SNAP25: variants seen among roughly 807,000 people sequenced by gnomAD.
SNAP25 encodes the protein synaptosomal-associated protein 25.
SNAP25 carries 3 observed loss-of-function variants against 28.7 expected under a neutral mutation model. The ratio of observed to expected loss-of-function variants is 0.10; its 90% CI spans 0.05 to 0.27. SNAP25 has a LOEUF of 0.27. Ranked by LOEUF, SNAP25 falls within the 10% of genes least tolerant of loss-of-function variation. The pLI, the probability that SNAP25 is intolerant of heterozygous loss-of-function variation, is 1.00. For missense variants in SNAP25, 117 were observed against 278.7 expected (o/e 0.42, Z 4.13); for synonymous variants, 61 against 88.1 (o/e 0.69, Z 1.72).
In SNAP25 at chr20:10,230,687, A is replaced by T. The variant is rs974750860; in HGVS notation, c.-64+11710A>T. On this transcript the variant is annotated intron_variant, in intron 1 of 7. Coordinates refer to ENST00000254976, the MANE Select transcript of SNAP25 (RefSeq NM_130811.4). The stretch of plus-strand genomic sequence containing the variant: ...CTTTGTTGTTCCTTCAAACCTTCAC[A>T]TCTGTCTCAAACTGAGCCTGTTGAG... Among the ~76,000 whole-genome samples the T allele has an allele frequency of 2.0e-5, 3 of 152,104 alleles. No individual in the cohort carries two copies. In the South Asian group the frequency reaches 6.2e-4, roughly 32 times the overall value.
chr20:10,290,683 T>C (rs1247114444), intron 4 of SNAP25, among the ~76,000 whole-genome samples: 1 of 152,118 alleles, frequency 6.6e-6, no homozygotes, highest in Admixed American at 6.6e-5. Flanking sequence ...CTTTGTAACT[T>C]AGGAGAAACT....
intron 1 of SNAP25, among the ~76,000 whole-genome samples, chr20:10,273,686 T>C (rs2063637853): frequency 6.6e-6 from 1 of 152,216 alleles, no homozygotes; most frequent in Non-Finnish European, 1.5e-5. Context: ...AGAGCACCAC[T>C]TCCTTGCAAT....
intron 1 of SNAP25, among the ~76,000 whole-genome samples, chr20:10,244,283 A>T (rs2063088530): frequency 6.6e-6 from 1 of 152,228 alleles, no homozygotes; most frequent in Non-Finnish European, 1.5e-5. Context: ...AGTGACATAA[A>T]CCAGTAAGTT....
chr20:10,219,961 T>C (rs923599922), intron 1 of SNAP25, among the ~76,000 whole-genome samples: 3 of 152,256 alleles, frequency 2.0e-5, no homozygotes, highest in African/African-American at 7.2e-5. Flanking sequence ...CCTCTGACCC[T>C]TATTTTACGT....
chr20:10,285,476 A>G (rs891248455), intron 4 of SNAP25, among the ~76,000 whole-genome samples: 1 of 152,224 alleles, frequency 6.6e-6, no homozygotes, highest in Non-Finnish European at 1.5e-5. Context: ...ACATAATTCT[A>G]GCCACTAGTC....
intron 1 of SNAP25, among the ~76,000 whole-genome samples, chr20:10,235,888 C>A (rs2062909756): frequency 6.6e-6 from 1 of 152,150 alleles, no homozygotes; most frequent in African/African-American, 2.4e-5. Context: ...GAGAACAAGC[C>A]CCAATGTGCA....
At chr20:10,223,434 C>G (rs1456355543) in intron 1 of SNAP25, among the ~76,000 whole-genome samples, 1 of 152,148 alleles carries the variant, frequency 6.6e-6, no homozygotes, top group Non-Finnish European at 1.5e-5. Context: ...TATCAAGAGA[C>G]TATCCTCATC....
intron 1 of SNAP25, among the ~76,000 whole-genome samples, chr20:10,227,450 T>A (rs1252680539): frequency 6.6e-6 from 1 of 152,144 alleles, no homozygotes; most frequent in African/African-American, 2.4e-5. Context: ...TAAGTAATCC[T>A]GCTTTTTATT....
At chr20:10,292,779 T>C in intron 4 of SNAP25, 1 of 750,826 alleles carries the variant, frequency 1.3e-6, no homozygotes, top group Admixed American at 2.4e-5. Context: ...CAATGCATTG[T>C]AATATCTCTC....
rs149194839 is a variant in SNAP25 at position 10,287,037 on chromosome 20, C to T, written c.163+2265C>T. ...CAATAGAAGAGTGGTACCTGATTTC[C>T]GGTGCAAAATTGAAACCTATACACT... On this transcript the variant is annotated intron_variant, in intron 4 of 7. Coordinates refer to ENST00000254976, the MANE Select transcript of SNAP25 (RefSeq NM_130811.4). Among the ~76,000 whole-genome samples, 509 of 152,178 alleles carry T rather than the reference C, an allele frequency of 3.3e-3. 3 individuals carry two copies. The highest frequency in any genetic ancestry group is 0.012 in the African/African-American group (499 of 41,516).
chr20:10,279,841 C>T (rs2063749999), intron 3 of SNAP25, among the ~76,000 whole-genome samples: 1 of 152,174 alleles, frequency 6.6e-6, no homozygotes, highest in Admixed American at 6.5e-5. Context: ...AAATTGTGAG[C>T]AAAGTGTTAT....
Position 10,242,263 on chromosome 20 carries a change from A to ACTAG in SNAP25, c.-64+23288_-64+23291dup, listed in dbSNP as rs2063048473. On this transcript the variant is annotated intron_variant, in intron 1 of 7. Transcript: ENST00000254976. ...AGCAAGGATGTGGTTGCAGCTGGAG[A>ACTAG]CTAGCATCAGCTGATCCCAGAGGAG... Among the ~76,000 whole-genome samples, 5 of 152,184 alleles carry ACTAG rather than the reference A, an allele frequency of 3.3e-5. No individual in the cohort carries two copies. The South Asian group carries it at 1.0e-3, about 32-fold the overall frequency.
At chr20:10,234,164 T>C (rs1260815305) in intron 1 of SNAP25, among the ~76,000 whole-genome samples, 4 of 132,824 alleles carry the variant, frequency 3.0e-5, no homozygotes, top group African/African-American at 5.7e-5. Flanking sequence ...TTTTCTCAAA[T>C]TGTTTCCCCA....
intron 1 of SNAP25, among the ~76,000 whole-genome samples, chr20:10,265,351 T>A (rs2063489415): frequency 6.6e-6 from 1 of 152,194 alleles, no homozygotes; most frequent in Non-Finnish European, 1.5e-5. Context: ...TACTTTTTGC[T>A]CTGGTCCTTA....
chr20:10,250,119 G>A (rs567535951), intron 1 of SNAP25, among the ~76,000 whole-genome samples: 1 of 152,270 alleles, frequency 6.6e-6, no homozygotes, highest in South Asian at 2.1e-4. Context: ...GATTGCAACT[G>A]TCAGACCTTT....
chr20:10,281,315 A>G (rs1466593895), intron 3 of SNAP25, among the ~76,000 whole-genome samples: 1 of 152,184 alleles, frequency 6.6e-6, no homozygotes, highest in African/African-American at 2.4e-5. Context: ...CCCTGAAATC[A>G]TGTCTCTATC....
intron 7 of SNAP25, among the ~76,000 whole-genome samples, chr20:10,302,088 TG>T (rs1268088910): frequency 1.3e-5 from 2 of 151,854 alleles, no homozygotes; most frequent in East Asian, 3.9e-4. Flanking sequence ...AAGTTATCAG[TG>T]GTAAGTTAGG....
intron 7 of SNAP25, among the ~76,000 whole-genome samples, chr20:10,301,221 T>C (rs2123172233): frequency 6.6e-6 from 1 of 152,314 alleles, no homozygotes; most frequent in East Asian, 1.9e-4. Flanking sequence ...AGAAGGTTTT[T>C]CTTCTACGCC....
chr20:10,248,060 T>C (rs2063159957), intron 1 of SNAP25, among the ~76,000 whole-genome samples: 1 of 152,210 alleles, frequency 6.6e-6, no homozygotes, highest in Admixed American at 6.5e-5. Flanking sequence ...AATGGTTGCA[T>C]GGATACAAAG....
Sources: allele counts gnomAD v4.1 joint callset (sites outside exome capture counted in the v4.1 genomes callset), GRCh38; gene constraint gnomAD v4.1.1; transcripts MANE v1.5; gene names NCBI Gene and HGNC (gene_info 2026-07-23, HGNC 2026-07-21).